The following PPP2R1B variants were observed in gnomAD, a reference collection of about 807,000 sequenced individuals.
PPP2R1B encodes the protein protein phosphatase 2 scaffold subunit Abeta, also known as serine/threonine-protein phosphatase 2A 65 kDa regulatory subunit A beta isoform.
PPP2R1B carries 58 observed loss-of-function variants against 72.7 expected under a neutral mutation model. The observed-to-expected ratio is 0.80, with a 90% CI of 0.65 to 0.99. PPP2R1B has a LOEUF of 0.99. Ranked by LOEUF, PPP2R1B falls within the 50% of genes least tolerant of loss-of-function variation. The pLI, the probability that PPP2R1B is intolerant of heterozygous loss-of-function variation, is 0.00. For synonymous variants in PPP2R1B, 256 were observed against 264.6 expected (o/e 0.97, Z 0.32); for missense variants, 695 against 733.6 (o/e 0.95, Z 0.61).
At chr11:111,751,914 T>C (rs12289369) in intron 10 of PPP2R1B, among the ~76,000 whole-genome samples, 32 of 152,208 alleles carry the variant, frequency 2.1e-4, no homozygotes, top group African/African-American at 7.5e-4. Flanking sequence ...GAGGTGGAGG[T>C]TGCAGTGAGC....
At chr11:111,734,085 C>A (rs1331364122), downstream of PPP2R1B, among the ~76,000 whole-genome samples, 1 of 152,320 alleles carries the variant, frequency 6.6e-6, no homozygotes, top group South Asian at 2.1e-4. Context: ...CTGGTTTCAC[C>A]CCAGGGTTTA....
downstream of PPP2R1B, chr11:111,722,840 C>T: frequency 7.9e-7 from 1 of 1,267,274 alleles, no homozygotes; most frequent in Non-Finnish European, 1.1e-6. This position sits in a 1 kb window ranked among gnomAD's most constrained non-coding sequence, Gnocchi z 4.4. Context: ...TTTCCTCTCA[C>T]ATTCGCCACT....
intron 14 of PPP2R1B, 91 bp downstream of exon 14, chr11:111,741,962 T>C (rs370450242): frequency 2.7e-5 from 30 of 1,107,240 alleles, no homozygotes; most frequent in African/African-American, 6.1e-5. Flanking sequence ...ATAATACTTA[T>C]CATCCTACCC....
intron 15 of PPP2R1B, chr11:111,728,909 G>C (rs1453522834): frequency 2.1e-5 from 3 of 146,016 alleles, no homozygotes; most frequent in Admixed American, 1.4e-4. Flanking sequence ...GGGCGACAGA[G>C]CAAGACTCCA....
chr11:111,760,707 G>T, intron 4 of PPP2R1B, 112 bp downstream of exon 4: 1 of 902,392 alleles, frequency 1.1e-6, no homozygotes, highest in Non-Finnish European at 1.7e-6. Flanking sequence ...GCCACTCATT[G>T]GTAACAAGGT....
chr11:111,741,410 G>C lies in PPP2R1B; in HGVS notation c.*186C>G. On this transcript the variant is annotated 3_prime_UTR_variant, in exon 15 of 15. Coordinates refer to ENST00000527614, the MANE Select transcript of PPP2R1B (RefSeq NM_002716.5). ...TAAATAATGATTTAACAAGGAAGAC[G>C]AGTAAAAAACAATCCCATTTCATCT... The C allele has an allele frequency of 7.1e-7, 1 of 1,403,270 alleles. No homozygotes were observed. The highest frequency in any genetic ancestry group is 9.2e-7 in the Non-Finnish European group (1 of 1,082,114). 86.9% of individuals were successfully genotyped at this position (1,403,270 alleles called of 1,614,324 possible).
the PPP2R1B span, among the ~76,000 whole-genome samples, chr11:111,713,903 G>A: frequency 6.6e-6 from 1 of 152,150 alleles, no homozygotes; most frequent in African/African-American, 2.4e-5. Context: ...GGAAGTGGAG[G>A]TTGCAGTGAG....
the PPP2R1B span, chr11:111,705,004 CT>C: frequency 6.2e-7 from 1 of 1,606,920 alleles, no homozygotes; most frequent in Non-Finnish European, 8.5e-7. This position sits in a 1 kb window ranked among gnomAD's most constrained non-coding sequence, Gnocchi z 4.3. Flanking sequence ...AGAACAAGAG[CT>C]ATAACCACTT....
chr11:111,765,900 G>A, intron 1 of PPP2R1B: 1 of 504,470 alleles, frequency 2.0e-6, no homozygotes, highest in Non-Finnish European at 3.9e-6. Flanking sequence ...CCCCGTCTCG[G>A]CCTGGCACCG....
intron 11 of PPP2R1B, 51 bp from the exon 12 acceptor site, chr11:111,743,581 C>T: frequency 6.4e-7 from 1 of 1,561,996 alleles, no homozygotes; most frequent in Non-Finnish European, 8.6e-7. Context: ...GTTTTTTAAG[C>T]ATAACCTAGT....
the PPP2R1B span, chr11:111,719,747 TGA>T: frequency 6.3e-7 from 1 of 1,598,178 alleles, no homozygotes; most frequent in Non-Finnish European, 8.5e-7. Flanking sequence ...GTGCAGAAAC[TGA>T]GTTTCCTCTC....
downstream of PPP2R1B, chr11:111,735,461 G>A (rs369096104): frequency 2.2e-4 from 33 of 152,306 alleles, no homozygotes; most frequent in African/African-American, 7.2e-4. Context: ...CAGCTTCAGC[G>A]GGGGCACCCT....
rs1261459805 is a variant in PPP2R1B at position 111,752,336 on chromosome 11, C to A, written c.1165-4G>T. On this transcript the variant is annotated splice_region_variant and splice_polypyrimidine_tract_variant and intron_variant, in intron 9 of 14. Transcript: ENST00000527614. Reference sequence around the variant, plus strand: ...TATTCAAACGAACGTCAGGACACTGCAAGTACACAAGCCCCAAAAGACCAC... The same window carrying A: ...TATTCAAACGAACGTCAGGACACTGAAAGTACACAAGCCCCAAAAGACCAC... The A allele has an allele frequency of 2.5e-6, 4 of 1,597,798 alleles. No individual in the cohort carries two copies. In the African/African-American group the frequency reaches 5.4e-5, roughly 21 times the overall value.
downstream of PPP2R1B, chr11:111,726,863 A>C: frequency 6.7e-6 from 7 of 1,043,500 alleles, no homozygotes; most frequent in Non-Finnish European, 1.0e-5. Context: ...GCTCCTCTGA[A>C]GAGACTTTGG....
chr11:111,738,411 C>T lies in PPP2R1B; in HGVS notation c.*3185G>A, dbSNP rs1944404742. On this transcript the variant is annotated 3_prime_UTR_variant, in exon 15 of 15. Transcript: ENST00000527614. Reference sequence around the variant, plus strand: ...CCAATGTGACGTCTAAGGGCAAGCCCCAGCCTTTCAGTTTAGTGACAACAC... The same window carrying T: ...CCAATGTGACGTCTAAGGGCAAGCCTCAGCCTTTCAGTTTAGTGACAACAC... 3.0e-6 allele frequency: 3 copies of T among 985,480 alleles called. No individual in the cohort carries two copies. Among genetic ancestry groups the T allele is most frequent in the East Asian group, 1.1e-4 (1 of 8,818 alleles). The allele number at this position is 985,480 out of a possible 1,614,324, so 61.0% of individuals were successfully genotyped here. A position where few individuals can be genotyped will look rare whatever the true frequency, so the allele number is the denominator to read the frequency against.
intron 5 of PPP2R1B, 23 bp downstream of exon 5, chr11:111,759,781 T>C: frequency 6.3e-7 from 1 of 1,596,664 alleles, no homozygotes; most frequent in Non-Finnish European, 8.6e-7. Flanking sequence ...TCTGTGTCCC[T>C]TAAATACTAA....
chr11:111,726,172 T>A (rs747448661), downstream of PPP2R1B: 1 of 152,154 alleles, frequency 6.6e-6, no homozygotes, highest in African/African-American at 2.4e-5. Context: ...ACTACAGAAG[T>A]GCTACAATAT....
At chr11:111,721,050 C>T in the PPP2R1B span, 3 of 1,613,326 alleles carry the variant, frequency 1.9e-6, no homozygotes, top group South Asian at 3.3e-5. Context: ...ACCTTGCTAG[C>T]AGCTGCCCTC....
the PPP2R1B span, among the ~76,000 whole-genome samples, chr11:111,715,731 A>G: frequency 1.3e-5 from 2 of 150,220 alleles, no homozygotes; most frequent in Non-Finnish European, 3.0e-5. Flanking sequence ...TACTTCAAGT[A>G]TCTCTTTTTA....
Sources: allele counts gnomAD v4.1 joint callset (sites outside exome capture counted in the v4.1 genomes callset), GRCh38; gene constraint gnomAD v4.1.1; non-coding constraint Gnocchi (gnomAD v3.1); transcripts MANE v1.5; gene names NCBI Gene and HGNC (gene_info 2026-07-23, HGNC 2026-07-21).